INSL6: variants seen among roughly 807,000 people sequenced by gnomAD.
INSL6 encodes the protein insulin like 6.
INSL6 carries 16 observed loss-of-function variants against 9.4 expected under a neutral mutation model. The observed-to-expected ratio is 1.70, with a 90% CI of 1.15 to 2.59. INSL6 has a LOEUF of 2.59. INSL6 is among the 30% of genes most tolerant of loss of function. The probability of loss-of-function intolerance (pLI) is 0.00; values close to 1 mark genes in which losing one functional copy is unlikely to be tolerated. For missense variants in INSL6, 391 were observed against 257.3 expected (o/e 1.52, Z -3.56); for synonymous variants, 154 against 96.9 (o/e 1.59, Z -3.46).
intron 1 of INSL6, among the ~76,000 whole-genome samples, chr9:5,171,625 T>A (rs962690007): frequency 6.6e-6 from 1 of 152,228 alleles, no homozygotes; most frequent in African/African-American, 2.4e-5. Flanking sequence ...CTTAAGCTGA[T>A]AAGCAAATTC....
the INSL6 span, chr9:5,112,820 G>A: frequency 3.6e-6 from 2 of 556,668 alleles, no homozygotes; most frequent in East Asian, 3.8e-5. Flanking sequence ...GGGCTTGAGT[G>A]AAGCCCACAA....
chr9:5,172,269 G>T (rs1825198843), intron 1 of INSL6, among the ~76,000 whole-genome samples: 1 of 151,196 alleles, frequency 6.6e-6, no homozygotes, highest in Non-Finnish European at 1.5e-5. Flanking sequence ...ATGGTGCTGG[G>T]AGAACTGGAC....
At chr9:5,008,727 A>G in the INSL6 span, among the ~76,000 whole-genome samples, 2 of 152,308 alleles carry the variant, frequency 1.3e-5, no homozygotes, top group South Asian at 2.1e-4. Flanking sequence ...AAAAAATTAA[A>G]TGTTATCTCC....
chr9:5,097,602 G>T, the INSL6 span: 1 of 151,934 alleles, frequency 6.6e-6, no homozygotes, highest in East Asian at 1.9e-4. Flanking sequence ...TTACTGCTAT[G>T]CCTACTGGCA....
chr9:5,007,030 A>G, the INSL6 span, among the ~76,000 whole-genome samples: 2 of 151,574 alleles, frequency 1.3e-5, no homozygotes, highest in East Asian at 3.9e-4. Context: ...TTTTTTCTTG[A>G]TCAGTCTTTC....
chr9:5,143,536 C>G (rs965843372), intron 2 of INSL6, among the ~76,000 whole-genome samples: 6 of 151,966 alleles, frequency 3.9e-5, no homozygotes, highest in Non-Finnish European at 7.4e-5. Context: ...TGGTAATAAC[C>G]CCCCTGTCAT....
the INSL6 span, among the ~76,000 whole-genome samples, chr9:5,030,780 A>G: frequency 1.3e-5 from 2 of 152,254 alleles, no homozygotes; most frequent in African/African-American, 4.8e-5. Flanking sequence ...CCCCTATTCT[A>G]TATAAAAATA....
At chr9:5,055,786 C>T in the INSL6 span, 3 of 1,609,386 alleles carry the variant, frequency 1.9e-6, no homozygotes, top group South Asian at 2.2e-5. Flanking sequence ...TGGTAAAAAT[C>T]TGGTAAGTTT....
the INSL6 span, among the ~76,000 whole-genome samples, chr9:5,049,070 T>C: frequency 6.6e-6 from 1 of 152,190 alleles, no homozygotes; most frequent in African/African-American, 2.4e-5. Context: ...CTTTAGACAA[T>C]ATATAGTTAA....
chr9:5,080,892 C>CTTTTTTTTTTT, the INSL6 span, among the ~76,000 whole-genome samples: 1 of 95,616 alleles, frequency 1.0e-5, no homozygotes, highest in Non-Finnish European at 1.9e-5. Flanking sequence ...AAGACCTTTT[C>CTTTTTTTTTTT]TTTTTTTTTT....
chr9:5,041,288 GGT>G, the INSL6 span: 2 of 994,006 alleles, frequency 2.0e-6, no homozygotes, highest in East Asian at 4.9e-5. Flanking sequence ...GGGGTACACT[GGT>G]CTCAGGACCA....
the INSL6 span, among the ~76,000 whole-genome samples, chr9:5,023,758 A>T: frequency 6.6e-6 from 1 of 152,092 alleles, no homozygotes; most frequent in Admixed American, 6.5e-5. Context: ...TCATGGTTTT[A>T]GTTTTTAGTG....
chr9:5,099,636 T>A, the INSL6 span: 1 of 152,220 alleles, frequency 6.6e-6, no homozygotes, highest in Non-Finnish European at 1.5e-5. Context: ...AATCATTCTG[T>A]TTCCCACTGT....
intron 3 of INSL6, chr9:5,127,993 T>TTAAG (rs1824108510): frequency 4.3e-6 from 1 of 232,286 alleles, no homozygotes; most frequent in East Asian, 6.0e-5. Flanking sequence ...ATCTTTTCAA[T>TTAAG]TAAGTATAAG....
chr9:5,054,062 GAGTTGA>G, the INSL6 span, among the ~76,000 whole-genome samples: 1 of 152,130 alleles, frequency 6.6e-6, no homozygotes, highest in South Asian at 2.1e-4. The surrounding 1 kb of genome is among the most constrained non-coding windows in gnomAD (Gnocchi z 4.9). Flanking sequence ...GAATTATTAG[GAGTTGA>G]AGCTGGCCTA....
At chr9:5,025,213 CTTT>C in the INSL6 span, among the ~76,000 whole-genome samples, 1 of 152,032 alleles carries the variant, frequency 6.6e-6, no homozygotes, top group Admixed American at 6.6e-5. Flanking sequence ...TGATGTTACT[CTTT>C]TACTTTTCTA....
the INSL6 span, among the ~76,000 whole-genome samples, chr9:5,023,545 T>G: frequency 6.6e-6 from 1 of 152,160 alleles, no homozygotes; most frequent in African/African-American, 2.4e-5. Flanking sequence ...GGCTAGGGTC[T>G]CTCCTGTGAC....
the INSL6 span, among the ~76,000 whole-genome samples, chr9:5,058,421 T>A: frequency 6.6e-6 from 1 of 152,130 alleles, no homozygotes; most frequent in Non-Finnish European, 1.5e-5. Context: ...TCAGATCTCA[T>A]GAGAACTCCC....
intron 3 of INSL6, chr9:5,132,711 T>C (rs542386160): frequency 6.6e-6 from 1 of 152,330 alleles, no homozygotes; most frequent in Admixed American, 6.5e-5. Context: ...CCTAAGTATG[T>C]TGATAAAGTC....
Sources: gnomAD v4.1 joint callset for allele counts (sites outside exome capture counted in the v4.1 genomes callset) on GRCh38, gnomAD v4.1.1 for gene constraint, Gnocchi (gnomAD v3.1) non-coding constraint, MANE v1.5 for transcripts, NCBI Gene and HGNC (gene_info 2026-07-23, HGNC 2026-07-21) for gene names.